The following PTPRM variants were observed in gnomAD, a reference collection of about 807,000 sequenced individuals.
PTPRM encodes the protein protein tyrosine phosphatase receptor type M.
In PTPRM, 47 loss-of-function variants were observed where a neutral mutation model predicts 186.7. The ratio of observed to expected loss-of-function variants is 0.25; its 90% CI spans 0.20 to 0.32. The LOEUF (loss-of-function observed/expected upper bound fraction) is 0.32. Ranked by LOEUF, PTPRM falls within the 10% of genes least tolerant of loss-of-function variation. PTPRM has a pLI of 1.00. For synonymous variants in PTPRM, 668 were observed against 674.9 expected (o/e 0.99, Z 0.16); for missense variants, 1,494 against 1,865.0 (o/e 0.80, Z 3.66).
At chr18:8,365,843 C>G (rs990061451) in intron 23 of PTPRM, 1 of 152,386 alleles carries the variant, frequency 6.6e-6, no homozygotes. Flanking sequence ...GAGTCCAGAT[C>G]ACAAAACAAT....
At chr18:7,678,513 G>A (rs373651877) in intron 1 of PTPRM, among the ~76,000 whole-genome samples, 1 of 152,124 alleles carries the variant, frequency 6.6e-6, no homozygotes, top group Non-Finnish European at 1.5e-5. Flanking sequence ...CTGAGGGAAC[G>A]GGAGGCCGGC....
intron 3 of PTPRM, among the ~76,000 whole-genome samples, chr18:7,891,477 A>G (rs879802841): frequency 1.3e-5 from 2 of 152,172 alleles, no homozygotes; most frequent in Non-Finnish European, 2.9e-5. Context: ...TTTAATAAAC[A>G]CATGCTTTTT....
At chr18:7,919,785 G>C (rs550762226) in intron 4 of PTPRM, among the ~76,000 whole-genome samples, 2 of 152,214 alleles carry the variant, frequency 1.3e-5, no homozygotes, top group Admixed American at 6.5e-5. Context: ...CTGTCTGAAT[G>C]ATTGGTCTGT....
chr18:8,014,193 A>AT (rs1185254702), intron 7 of PTPRM, among the ~76,000 whole-genome samples: 1 of 152,144 alleles, frequency 6.6e-6, no homozygotes, highest in Middle Eastern at 3.2e-3. Flanking sequence ...TATTCGGTCA[A>AT]TTTTTTGAAA....
intron 24 of PTPRM, 36 bp downstream of exon 24, chr18:8,371,042 G>C: frequency 7.7e-7 from 1 of 1,295,290 alleles, no homozygotes; most frequent in Non-Finnish European, 1.1e-6. Flanking sequence ...GCTATGGTCA[G>C]ACACTAGTGG....
In PTPRM at chr18:7,707,458, C is replaced by G. The variant is rs7244063; in HGVS notation, c.74-66691C>G. On this transcript the variant is annotated intron_variant, in intron 1 of 32. Coordinates refer to ENST00000580170, the MANE Select transcript of PTPRM (RefSeq NM_001105244.2). Reference sequence around the variant, plus strand: ...GCAACTTGTGCAACATAGTGAGAACCCTTCTCTAAAATAATAATAATAATA... The same window carrying G: ...GCAACTTGTGCAACATAGTGAGAACGCTTCTCTAAAATAATAATAATAATA... 7.2e-3 allele frequency among the ~76,000 whole-genome samples: 1,088 copies of G among 150,624 alleles called. 26 individuals are homozygous for G. The highest frequency in any genetic ancestry group is 0.026 in the African/African-American group (1,034 of 40,348).
chr18:7,825,270 G>GT (rs1179596490), intron 2 of PTPRM, among the ~76,000 whole-genome samples: 1 of 152,130 alleles, frequency 6.6e-6, no homozygotes, highest in Non-Finnish European at 1.5e-5. Context: ...ACACCATGTT[G>GT]TAAGTGTTCA....
At chr18:8,157,840 C>T (rs543686040) in intron 14 of PTPRM, among the ~76,000 whole-genome samples, 1 of 152,294 alleles carries the variant, frequency 6.6e-6, no homozygotes, top group Admixed American at 6.5e-5. Flanking sequence ...CTTCCAGACC[C>T]AGACGCAGCA....
intron 14 of PTPRM, among the ~76,000 whole-genome samples, chr18:8,227,834 G>C (rs1180008079): frequency 6.6e-6 from 1 of 152,156 alleles, no homozygotes; most frequent in Non-Finnish European, 1.5e-5. Flanking sequence ...AGCAGCATAA[G>C]CCAGCTGTGA....
chr18:8,009,603 G>A (rs1331852228), intron 7 of PTPRM, among the ~76,000 whole-genome samples: 1 of 152,138 alleles, frequency 6.6e-6, no homozygotes, highest in Non-Finnish European at 1.5e-5. Flanking sequence ...AACTACTTGG[G>A]AGTCTGAGGC....
intron 7 of PTPRM, among the ~76,000 whole-genome samples, chr18:7,982,380 A>G (rs1017141836): frequency 6.6e-6 from 1 of 150,834 alleles, no homozygotes; most frequent in Non-Finnish European, 1.5e-5. Context: ...CACTGATAGC[A>G]CTGGCCCCAC....
chr18:7,569,263 T>G (rs1307224390), intron 1 of PTPRM, among the ~76,000 whole-genome samples: 1 of 152,214 alleles, frequency 6.6e-6, no homozygotes, highest in African/African-American at 2.4e-5. Flanking sequence ...GTTGCTGATC[T>G]GCAGGACCCT....
At chr18:7,789,318 C>G (rs1354119809) in intron 2 of PTPRM, among the ~76,000 whole-genome samples, 1 of 151,374 alleles carries the variant, frequency 6.6e-6, no homozygotes, top group Non-Finnish European at 1.5e-5. Context: ...GAGTGAGACC[C>G]TGTCTTTAAA....
chr18:7,818,593 A>G (rs572399433), intron 2 of PTPRM, among the ~76,000 whole-genome samples: 1 of 152,348 alleles, frequency 6.6e-6, no homozygotes, highest in South Asian at 2.1e-4. Context: ...CTTGGACAGT[A>G]TTTAATCCTC....
At chr18:8,002,336 G>A (rs1249885581) in intron 7 of PTPRM, among the ~76,000 whole-genome samples, 2 of 152,194 alleles carry the variant, frequency 1.3e-5, no homozygotes, top group African/African-American at 4.8e-5. Context: ...GGGTAGTAGA[G>A]CACATAATTC....
intron 1 of PTPRM, among the ~76,000 whole-genome samples, chr18:7,605,518 A>G (rs1269131647): frequency 1.3e-5 from 2 of 151,910 alleles, no homozygotes; most frequent in Non-Finnish European, 2.9e-5. Context: ...CTTTTCTCCT[A>G]TAGATGTATA....
chr18:7,900,622 C>A (rs1370325380), intron 3 of PTPRM, among the ~76,000 whole-genome samples: 1 of 152,046 alleles, frequency 6.6e-6, no homozygotes, highest in Admixed American at 6.6e-5. Context: ...GCTAGTTAGG[C>A]AGTTTGGCAA....
At chr18:8,113,445 G>T in intron 11 of PTPRM, 41 bp from the exon 12 acceptor site, 1 of 1,580,266 alleles carries the variant, frequency 6.3e-7, no homozygotes, top group African/African-American at 1.3e-5. Flanking sequence ...GATCAGTTCA[G>T]TTATCATAAA....
At chr18:8,103,457 A>G (rs752781471) in intron 11 of PTPRM, among the ~76,000 whole-genome samples, 1 of 152,246 alleles carries the variant, frequency 6.6e-6, no homozygotes, top group Non-Finnish European at 1.5e-5. Context: ...TGTTATGAAG[A>G]TGGCTACTTT....
Sources: gnomAD v4.1 joint callset for allele counts (sites outside exome capture counted in the v4.1 genomes callset) on GRCh38, gnomAD v4.1.1 for gene constraint, MANE v1.5 for transcripts, NCBI Gene and HGNC (gene_info 2026-07-23, HGNC 2026-07-21) for gene names.